The following TUSC3 variants were observed in gnomAD, a reference collection of about 807,000 sequenced individuals.
The protein encoded by TUSC3 is dolichyl-diphosphooligosaccharide--protein glycosyltransferase subunit TUSC3.
A neutral mutation model predicts 44.8 loss-of-function variants in TUSC3; 45 were observed. The ratio of observed to expected loss-of-function variants is 1.00; its 90% CI spans 0.79 to 1.29. The LOEUF (loss-of-function observed/expected upper bound fraction) is 1.29. TUSC3 is among the 50% of genes most tolerant of loss of function. The pLI is 0.00. For synonymous variants in TUSC3, 212 were observed against 152.9 expected, an observed-to-expected ratio of 1.39 and a Z score of -2.85; for missense variants, 519 against 437.9, an observed-to-expected ratio of 1.19 and a Z score of -1.65.
chr8:15,443,900 T>C (rs566410049), intron 1 of TUSC3, among the ~76,000 whole-genome samples: 2 of 151,706 alleles, frequency 1.3e-5, no homozygotes, highest in South Asian at 4.2e-4. Context: ...GGGAACTGAC[T>C]CAGCCCAAGA....
At chr8:15,649,836 T>G (rs1806808568) in intron 2 of TUSC3, among the ~76,000 whole-genome samples, 1 of 152,180 alleles carries the variant, frequency 6.6e-6, no homozygotes. Flanking sequence ...ACCTTTTTAT[T>G]TCTTTATTTT....
chr8:15,456,718 A>G (rs1800261421), intron 1 of TUSC3, among the ~76,000 whole-genome samples: 1 of 152,184 alleles, frequency 6.6e-6, no homozygotes, highest in African/African-American at 2.4e-5. Flanking sequence ...TCAGATTCCT[A>G]TCCCACCACA....
chr8:15,837,069 C>A, the TUSC3 span, among the ~76,000 whole-genome samples: 1 of 152,104 alleles, frequency 6.6e-6, no homozygotes, highest in South Asian at 2.1e-4. Context: ...TCTTAAGTCA[C>A]TGCTTATTTC....
the TUSC3 span, among the ~76,000 whole-genome samples, chr8:15,786,963 A>AAAAAAAC: frequency 6.6e-6 from 1 of 150,804 alleles, no homozygotes; most frequent in Non-Finnish European, 1.5e-5. Flanking sequence ...AAAAAAAAAA[A>AAAAAAAC]AAGACTAGAG....
chr8:15,657,378 C>G (rs184789191), intron 3 of TUSC3, among the ~76,000 whole-genome samples: 1 of 152,136 alleles, frequency 6.6e-6, no homozygotes, highest in Non-Finnish European at 1.5e-5. Context: ...TGCCAGATAT[C>G]CTCGTTGATT....
chr8:15,616,010 A>T (rs1243162008), intron 1 of TUSC3, among the ~76,000 whole-genome samples: 2 of 152,142 alleles, frequency 1.3e-5, no homozygotes, highest in Non-Finnish European at 2.9e-5. Flanking sequence ...TTAAAAAAAA[A>T]TTTTGTGGAG....
intron 2 of TUSC3, among the ~76,000 whole-genome samples, chr8:15,506,242 C>G (rs2129127662): frequency 6.6e-6 from 1 of 152,282 alleles, no homozygotes; most frequent in East Asian, 1.9e-4. Context: ...GCTTCCCCTG[C>G]CCTCCTCTCT....
rs965264448 is a variant in TUSC3, at chr8:15,764,525, G to T, written c.*369G>T. The T allele has an allele frequency of 6.8e-6, 2 of 295,584 alleles. No individual in the cohort carries two copies. Among genetic ancestry groups the T allele is most frequent in the South Asian group, 4.3e-5 (1 of 23,414 alleles). The allele number at this position is 295,584 out of a possible 1,614,324, so 18.3% of individuals were successfully genotyped here. Reference sequence around the variant, plus strand: ...GCTGTTTACTCATTAGTAAAGGACCGCAATGTTAGTAAAGAAAACCTATGA... The same window carrying T: ...GCTGTTTACTCATTAGTAAAGGACCTCAATGTTAGTAAAGAAAACCTATGA... On this transcript the variant is annotated 3_prime_UTR_variant, in exon 11 of 11. Transcript: ENST00000503731.
the TUSC3 span, among the ~76,000 whole-genome samples, chr8:15,796,950 G>C: frequency 1.3e-5 from 2 of 152,160 alleles, no homozygotes; most frequent in Non-Finnish European, 2.9e-5. Flanking sequence ...CTTTATAAAG[G>C]GCGTTATAAT....
intron 1 of TUSC3, among the ~76,000 whole-genome samples, chr8:15,617,853 C>G (rs906007031): frequency 6.6e-6 from 1 of 152,142 alleles, no homozygotes; most frequent in African/African-American, 2.4e-5. Flanking sequence ...TTTGTGTTGT[C>G]TACTGTTGTG....
chr8:15,647,085 A>C (rs1441665593), intron 2 of TUSC3, among the ~76,000 whole-genome samples: 5 of 152,018 alleles, frequency 3.3e-5, no homozygotes, highest in Non-Finnish European at 7.4e-5. Flanking sequence ...CTATCGTTCT[A>C]TATTGTCATA....
rs115053320 is a variant in TUSC3 at position 15,724,727 on chromosome 8, G to A, written c.799-5939G>A. On this transcript the variant is annotated intron_variant, in intron 6 of 10. Transcript: ENST00000503731. Reference sequence around the variant, plus strand: ...AGTGAATAAAGGACTGAAACAGGCTGAAAGGATTTACACTAGTACTTTTTC... The same window carrying A: ...AGTGAATAAAGGACTGAAACAGGCTAAAAGGATTTACACTAGTACTTTTTC... 5.5e-3 allele frequency among the ~76,000 whole-genome samples: 845 copies of A among 152,256 alleles called. 4 individuals carry two copies. The highest frequency in any genetic ancestry group is 0.019 in the African/African-American group (805 of 41,554).
chr8:15,584,412 T>C (rs201378194), intron 1 of TUSC3, among the ~76,000 whole-genome samples: 2 of 152,186 alleles, frequency 1.3e-5, no homozygotes, highest in African/African-American at 2.4e-5. Context: ...AATTTGGTCA[T>C]TGATCATGCA....
chr8:15,676,406 T>C (rs1028779965), intron 6 of TUSC3, among the ~76,000 whole-genome samples: 2 of 152,196 alleles, frequency 1.3e-5, no homozygotes, highest in Non-Finnish European at 2.9e-5. Context: ...AAATGTTTTC[T>C]CCTATTCTGT....
chr8:15,603,155 C>A (rs1281089555), intron 1 of TUSC3, among the ~76,000 whole-genome samples: 1 of 151,438 alleles, frequency 6.6e-6, no homozygotes, highest in Admixed American at 6.6e-5. Flanking sequence ...TAGTTAATTA[C>A]CACTAAAGAA....
Position 15,764,735 on chromosome 8 carries a change from C to G in TUSC3, c.*579C>G, listed in dbSNP as rs998990412. 6.5e-6 allele frequency: 1 copy of G among 152,864 alleles called. No individual in the cohort carries two copies. Among genetic ancestry groups the G allele is most frequent in the African/African-American group, 2.4e-5 (1 of 41,404 alleles). The allele number at this position is 152,864 out of a possible 1,614,324, so 9.5% of individuals were successfully genotyped here. ...GGACAGGGAACTGGATGAATGGTACCTACAATTTGGATGCCTAACCAAGGA... is the reference window on the plus strand; with the variant it reads ...GGACAGGGAACTGGATGAATGGTACGTACAATTTGGATGCCTAACCAAGGA... On this transcript the variant is annotated 3_prime_UTR_variant, in exon 11 of 11. Coordinates refer to ENST00000503731, the MANE Select transcript of TUSC3 (RefSeq NM_006765.4).
At chr8:15,441,734 G>C (rs1196732669) in intron 1 of TUSC3, among the ~76,000 whole-genome samples, 1 of 151,762 alleles carries the variant, frequency 6.6e-6, no homozygotes, top group East Asian at 1.9e-4. Context: ...CAGAGAACAG[G>C]GGGTATGTAT....
downstream of TUSC3, among the ~76,000 whole-genome samples, chr8:15,770,812 C>G (rs1331936089): frequency 6.6e-6 from 1 of 151,898 alleles, no homozygotes; most frequent in African/African-American, 2.4e-5. Flanking sequence ...AGTATAAATA[C>G]GAGTCCCAGA....
At chr8:15,796,023 A>G in the TUSC3 span, among the ~76,000 whole-genome samples, 2 of 152,146 alleles carry the variant, frequency 1.3e-5, no homozygotes, top group African/African-American at 4.8e-5. Flanking sequence ...TGTTTGTGCC[A>G]TACCCCAAAC....
Sources: allele counts gnomAD v4.1 joint callset (sites outside exome capture counted in the v4.1 genomes callset), GRCh38; gene constraint gnomAD v4.1.1; transcripts MANE v1.5; gene names NCBI Gene and HGNC (gene_info 2026-07-23, HGNC 2026-07-21).